Variants in FAM90A26 observed in about 807,000 individuals in gnomAD.
FAM90A26 encodes protein FAM90A26.
chr4:9,170,751 A>T (rs1401648462), intron 1 of FAM90A26, among the ~76,000 whole-genome samples: 1 of 23,728 alleles, frequency 4.2e-5, no homozygotes, highest in Non-Finnish European at 8.5e-5. Flanking sequence ...CAGGACCAGC[A>T]GCTGGCCCAG....
At position 9,172,500 on chromosome 4, in the gene FAM90A26, A is replaced by G. The variant is rs1354695936; in HGVS notation, c.-57+331A>G. ...TGGCACTTGTTCACCGTTTGTTTAGATGAATTCGTGTGGCATGTGTAAAAT... is the reference window on the plus strand; with the variant it reads ...TGGCACTTGTTCACCGTTTGTTTAGGTGAATTCGTGTGGCATGTGTAAAAT... On this transcript the variant is annotated intron_variant, in intron 3 of 6. Coordinates refer to ENST00000512047, the Ensembl canonical transcript of FAM90A26. 7.2e-5 allele frequency among the ~76,000 whole-genome samples: 3 copies of G among 41,774 alleles called. 1 individual carries two copies. The Admixed American group carries it at 7.4e-4, about 10-fold the overall frequency. 27.4% of individuals were successfully genotyped at this position (41,774 alleles called of 152,430 possible).
At chr4:9,174,546 T>C (rs193006816) in exon 6 of FAM90A26, 1 of 161,614 alleles carries the variant, frequency 6.2e-6, no homozygotes, top group Non-Finnish European at 1.1e-5. Context: ...GAATCTTCTG[T>C]TTATCTGAGG....
In FAM90A26 at chr4:9,173,115, A is replaced by T; in HGVS notation, c.-56-2A>T. On this transcript the variant is annotated splice_acceptor_variant, in intron 3 of 6. Transcript: ENST00000512047. LOFTEE classifies it low-confidence loss of function (5UTR_SPLICE). ...CGACGTGTGTGTTTGTGTGTGTTTCAGGTGACCCAAAAATCAACCCCTGAA... is the reference window on the plus strand; with the variant it reads ...CGACGTGTGTGTTTGTGTGTGTTTCTGGTGACCCAAAAATCAACCCCTGAA... 1 of 181,956 alleles carries T rather than the reference A, an allele frequency of 5.5e-6. No individual in the cohort carries two copies. The highest frequency in any genetic ancestry group is 8.9e-6 in the Non-Finnish European group (1 of 112,188). 11.3% of individuals were successfully genotyped at this position (181,956 alleles called of 1,614,324 possible).
chr4:9,176,159 C>T lies in FAM90A26; in HGVS notation c.1387C>T (p.Leu463=). The T allele has an allele frequency of 8.2e-6, 2 of 243,158 alleles. 1 individual carries two copies. Among genetic ancestry groups the T allele is most frequent in the East Asian group, 2.3e-4 (2 of 8,614 alleles). The allele number at this position is 243,158 out of a possible 1,614,324, so 15.1% of individuals were successfully genotyped here. The stretch of plus-strand genomic sequence containing the variant: ...CTCCTCAGAGGACAGCGACTCTGAC[C>T]TGGAGTGAGACTGCAGGTGGCAGGG... Residue 463 remains leucine (L), a synonymous_variant, in exon 7 of 7, where the codon CTG becomes TTG. Coordinates refer to ENST00000512047, the Ensembl canonical transcript of FAM90A26.
At position 9,176,101 on chromosome 4, in the gene FAM90A26, G is replaced by T; in HGVS notation, c.1329G>T (p.Pro443=). Reference sequence around the variant, plus strand: ...AGGTTCCCCGTGTTCGTGTCCCACCGAACGTCCTCTATGAGGACCTTCAGG... The same window carrying T: ...AGGTTCCCCGTGTTCGTGTCCCACCTAACGTCCTCTATGAGGACCTTCAGG... Residue 443 remains proline, a synonymous_variant, in exon 7 of 7, where the codon CCG becomes CCT. Transcript: ENST00000512047. 8.3e-6 allele frequency: 2 copies of T among 239,556 alleles called. 1 individual carries two copies. 14.8% of individuals were successfully genotyped at this position (239,556 alleles called of 1,614,324 possible). A position where few individuals can be genotyped will look rare whatever the true frequency, so the allele number is the denominator to read the frequency against.
chr4:9,172,475 T>C lies in FAM90A26; in HGVS notation c.-57+306T>C, dbSNP rs1273985024. On this transcript the variant is annotated intron_variant, in intron 3 of 6. Coordinates refer to ENST00000512047, the Ensembl canonical transcript of FAM90A26. ...AGCCGTGTAAGACGTCGATACGATATGGCACTTGTTCACCGTTTGTTTAGA... is the reference window on the plus strand; with the variant it reads ...AGCCGTGTAAGACGTCGATACGATACGGCACTTGTTCACCGTTTGTTTAGA... 1.6e-4 allele frequency among the ~76,000 whole-genome samples: 7 copies of C among 44,390 alleles called. 1 individual carries two copies. The highest frequency in any genetic ancestry group is 8.0e-4 in the East Asian group (1 of 1,248). The allele number at this position is 44,390 out of a possible 152,430, so 29.1% of individuals were successfully genotyped here. A position where few individuals can be genotyped will look rare whatever the true frequency, so the allele number is the denominator to read the frequency against.
chr4:9,172,381 G>A (rs1436412439), intron 3 of FAM90A26, among the ~76,000 whole-genome samples: 1 of 34,440 alleles, frequency 2.9e-5, no homozygotes, highest in East Asian at 8.5e-4. Context: ...GAAAAGAAAT[G>A]TACTGCAGCA....
chr4:9,170,520 G>T, exon 1 of FAM90A26: 1 of 60,718 alleles, frequency 1.6e-5, no homozygotes, highest in Non-Finnish European at 3.2e-5. Context: ...TGCAAACATG[G>T]CGGTATAAGC....
rs184498832 is a variant in FAM90A26, at chr4:9,173,809, G to A, written c.143G>A (p.Gly48Glu). Reference sequence around the variant, plus strand: ...CCACAGCTCAAGTGCAAAAACTGTGGGGCCTTTGGTCACATGGCCAGAAGT... The same window carrying A: ...CCACAGCTCAAGTGCAAAAACTGTGAGGCCTTTGGTCACATGGCCAGAAGT... Residue 48 changes from glycine (G) to glutamate (E), a missense_variant, in exon 5 of 7, where the codon GGG becomes GAG. Coordinates refer to ENST00000512047, the Ensembl canonical transcript of FAM90A26. 9.9e-3 allele frequency: 2,097 copies of A among 211,386 alleles called. 540 individuals are homozygous for A. The East Asian group carries it at 0.14, about 14-fold the overall frequency. The allele number at this position is 211,386 out of a possible 1,614,324, so 13.1% of individuals were successfully genotyped here. A position where few individuals can be genotyped will look rare whatever the true frequency, so the allele number is the denominator to read the frequency against.
rs181230008 is a variant in FAM90A26, at chr4:9,171,392, G to T, written c.-420-140G>T. ...AGAGAGCTGCAGTGAGGATTAAGGA[G>T]ACAAGATCGTGGGAAGCACAGGGTA... On this transcript the variant is annotated intron_variant, in intron 1 of 6. Transcript: ENST00000512047. 68 of 24,632 alleles carry T rather than the reference G, an allele frequency of 2.8e-3. 1 individual carries two copies. Among genetic ancestry groups the T allele is most frequent in the Non-Finnish European group, 8.7e-5 (1 of 11,528 alleles). 1.5% of individuals were successfully genotyped at this position (24,632 alleles called of 1,614,324 possible).
In FAM90A26 at chr4:9,173,529, G is replaced by A. The variant is rs1455414509; in HGVS notation, c.123+234G>A. 8.3e-5 allele frequency among the ~76,000 whole-genome samples: 2 copies of A among 24,086 alleles called. 1 individual carries two copies. Among genetic ancestry groups the A allele is most frequent in the Admixed American group, 6.3e-4 (2 of 3,174 alleles). The allele number at this position is 24,086 out of a possible 152,430, so 15.8% of individuals were successfully genotyped here. A position where few individuals can be genotyped will look rare whatever the true frequency, so the allele number is the denominator to read the frequency against. On this transcript the variant is annotated intron_variant, in intron 4 of 6. Coordinates refer to ENST00000512047, the Ensembl canonical transcript of FAM90A26. ...TCTACTTAGAGTCCTGTGTAGCCAC[G>A]TTTGGCTGTGCTGTTGACATCGGGT... is the stretch of plus-strand genomic sequence containing the variant.
At chr4:9,176,149 C>T (rs1293270243) in exon 7 of FAM90A26, 1 of 238,672 alleles carries the variant, frequency 4.2e-6, no homozygotes, top group Non-Finnish European at 6.1e-6. Flanking sequence ...CAGAGGACAG[C>T]GACTCTGACC....
intron 1 of FAM90A26, among the ~76,000 whole-genome samples, chr4:9,171,021 C>A (rs1577258478): frequency 4.5e-5 from 1 of 22,104 alleles, no homozygotes; most frequent in African/African-American, 3.0e-4. Flanking sequence ...CTGTTTCTAC[C>A]AAAAATACAA....
Position 9,174,386 on chromosome 4 carries a change from G to A in FAM90A26, c.324-62G>A. On this transcript the variant is annotated intron_variant, in intron 5 of 6. Transcript: ENST00000512047. Reference sequence around the variant, plus strand: ...ACGGAATGGGACTGAGCCCCAGACAGGGTTCTCCCTATCTCCTGGGGAAAA... The same window carrying A: ...ACGGAATGGGACTGAGCCCCAGACAAGGTTCTCCCTATCTCCTGGGGAAAA... 1.5e-5 allele frequency: 2 copies of A among 137,664 alleles called. 1 individual carries two copies. 8.5% of individuals were successfully genotyped at this position (137,664 alleles called of 1,614,324 possible). A position where few individuals can be genotyped will look rare whatever the true frequency, so the allele number is the denominator to read the frequency against.
rs575951832 is a variant in FAM90A26, at chr4:9,175,229, C to T, written c.457C>T (p.His153Tyr). 4.1e-4 allele frequency: 112 copies of T among 270,932 alleles called. 51 individuals carry two copies. In the South Asian group the frequency reaches 4.1e-3, roughly 10 times the overall value. The allele number at this position is 270,932 out of a possible 1,614,324, so 16.8% of individuals were successfully genotyped here. A position where few individuals can be genotyped will look rare whatever the true frequency, so the allele number is the denominator to read the frequency against. ...GGTTGCAAGCGGGCCAATGCCGGTCCACACAACCAGTAAGAGGCCGCGTGT... is the reference window on the plus strand; with the variant it reads ...GGTTGCAAGCGGGCCAATGCCGGTCTACACAACCAGTAAGAGGCCGCGTGT... Residue 153 changes from histidine to tyrosine, a missense_variant, in exon 7 of 7, where the codon CAC (histidine) becomes TAC (tyrosine). Physicochemically the swap from His to Tyr is moderately conservative, Grantham distance 83. Transcript: ENST00000512047.
chr4:9,175,635 C>T lies in FAM90A26; in HGVS notation c.863C>T (p.Pro288Leu), dbSNP rs1340361308. Residue 288 changes from proline (P) to leucine (L), a missense_variant, in exon 7 of 7, where the codon CCA becomes CTA. Pro to Leu is a moderately conservative substitution (Grantham distance 98). Coordinates refer to ENST00000512047, the Ensembl canonical transcript of FAM90A26. ...CTAGGCTCCAATCTCAGCTTCGGGC[C>T]AGGAGCCAAGAGACCTGCCCAGGCT... The T allele has an allele frequency of 3.8e-5, 10 of 262,874 alleles. 5 individuals are homozygous for T. The highest frequency in any genetic ancestry group is 3.0e-4 in the African/African-American group (2 of 6,708). The allele number at this position is 262,874 out of a possible 1,614,324, so 16.3% of individuals were successfully genotyped here.
chr4:9,171,883 T>C (rs375755409), intron 2 of FAM90A26, 130 bp from the exon 3 acceptor site: 19 of 26,148 alleles, frequency 7.3e-4, no homozygotes, highest in African/African-American at 2.6e-3. Context: ...GGTTTTAGAA[T>C]GTCTGTCAGC....
exon 5 of FAM90A26, chr4:9,173,824 T>A: frequency 4.4e-6 from 1 of 228,004 alleles, no homozygotes; most frequent in African/African-American, 1.6e-4. Flanking sequence ...TTTGGTCACA[T>A]GGCCAGAAGT....
chr4:9,172,411 T>A lies in FAM90A26; in HGVS notation c.-57+242T>A, dbSNP rs1713450530. 5.2e-5 allele frequency among the ~76,000 whole-genome samples: 2 copies of A among 38,102 alleles called. 1 individual carries two copies. Among genetic ancestry groups the A allele is most frequent in the Admixed American group, 5.1e-4 (2 of 3,908 alleles). 25.0% of individuals were successfully genotyped at this position (38,102 alleles called of 152,430 possible). On this transcript the variant is annotated intron_variant, in intron 3 of 6. Coordinates refer to ENST00000512047, the Ensembl canonical transcript of FAM90A26. ...GCAGCATGCTGAATTGGTGGGTAAATGGAAAAAGGACTTTGGAAAAAAGGG... is the reference window on the plus strand; with the variant it reads ...GCAGCATGCTGAATTGGTGGGTAAAAGGAAAAAGGACTTTGGAAAAAAGGG...
Sources: gnomAD v4.1 joint callset for allele counts (sites outside exome capture counted in the v4.1 genomes callset) on GRCh38, gnomAD v4.1.1 for gene constraint, MANE v1.5 for transcripts, NCBI Gene and HGNC (gene_info 2026-07-23, HGNC 2026-07-21) for gene names.